TULP4: variants seen among roughly 807,000 people sequenced by gnomAD.
The protein encoded by TULP4 is tubby-related protein 4.
TULP4 carries 16 observed loss-of-function variants against 129.0 expected under a neutral mutation model. That is an observed-to-expected ratio of 0.12 (90% CI 0.08 to 0.19). The LOEUF (loss-of-function observed/expected upper bound fraction) is 0.19, where lower values mean the gene tolerates loss of function less well. Among genes scored for constraint, TULP4 ranks in the 10% least tolerant of loss-of-function variants. The pLI is 1.00. For synonymous variants in TULP4, 998 were observed against 854.0 expected, an observed-to-expected ratio of 1.17 and a Z score of -2.94; for missense variants, 1,842 against 2,059.1, an observed-to-expected ratio of 0.89 and a Z score of 2.04.
chr6:158,243,380 G>A (rs1055907781), intron 1 of TULP4, among the ~76,000 whole-genome samples: 1 of 151,746 alleles, frequency 6.6e-6, no homozygotes, highest in Non-Finnish European at 1.5e-5. Context: ...CTCCTTGACT[G>A]CAGTATATAT....
At chr6:158,269,871 G>C (rs6940600) in intron 1 of TULP4, among the ~76,000 whole-genome samples, 2 of 152,056 alleles carry the variant, frequency 1.3e-5, no homozygotes, top group African/African-American at 4.8e-5. Flanking sequence ...CCCGGTGCCC[G>C]GCAGTCTTGC....
chr6:158,457,220 G>A (rs543566752), intron 5 of TULP4, among the ~76,000 whole-genome samples: 1 of 152,146 alleles, frequency 6.6e-6, no homozygotes, highest in South Asian at 2.1e-4. Flanking sequence ...CATCACTAAA[G>A]AACTTTGGCA....
chr6:158,450,784 C>T (rs903729259), intron 4 of TULP4, among the ~76,000 whole-genome samples: 8 of 151,604 alleles, frequency 5.3e-5, no homozygotes, highest in South Asian at 2.1e-4. Context: ...GGACTGGGCA[C>T]GGTGGCTCAG....
At chr6:158,411,419 G>A (rs1254632773) in intron 1 of TULP4, among the ~76,000 whole-genome samples, 3 of 152,100 alleles carry the variant, frequency 2.0e-5, no homozygotes, top group Non-Finnish European at 2.9e-5. Flanking sequence ...AGAGGATTCC[G>A]CTAGATGGGG....
chr6:158,308,910 C>T (rs1158270900), upstream of TULP4, among the ~76,000 whole-genome samples: 73 of 140,548 alleles, frequency 5.2e-4, no homozygotes, highest in African/African-American at 1.2e-3. Flanking sequence ...CCCTCCCGGA[C>T]GGGGCGGCTG....
intron 1 of TULP4, among the ~76,000 whole-genome samples, chr6:158,284,720 C>T (rs958214215): frequency 2.0e-5 from 3 of 152,194 alleles, no homozygotes; most frequent in Non-Finnish European, 2.9e-5. Context: ...CACTTCAGGG[C>T]TCTCAGTCAA....
upstream of TULP4, among the ~76,000 whole-genome samples, chr6:158,309,577 C>A (rs913900645): frequency 6.6e-6 from 1 of 152,062 alleles, no homozygotes; most frequent in African/African-American, 2.4e-5. Context: ...CGAGATCATG[C>A]CACTGCACTC....
intron 3 of TULP4, among the ~76,000 whole-genome samples, chr6:158,430,619 G>T (rs925919876): frequency 6.6e-6 from 1 of 152,094 alleles, no homozygotes; most frequent in Non-Finnish European, 1.5e-5. Flanking sequence ...ATGATGGCGG[G>T]CGCCTGTAAT....
chr6:158,279,783 C>T (rs1778716840), upstream of TULP4, among the ~76,000 whole-genome samples: 3 of 152,180 alleles, frequency 2.0e-5, no homozygotes, highest in South Asian at 6.2e-4. Flanking sequence ...TACAGCAGAC[C>T]TATTCATTCT....
At chr6:158,438,526 C>T (rs1778804814) in intron 3 of TULP4, among the ~76,000 whole-genome samples, 1 of 152,168 alleles carries the variant, frequency 6.6e-6, no homozygotes, top group Non-Finnish European at 1.5e-5. Context: ...AACTTTAAAA[C>T]AGTAGTATAA....
chr6:158,411,840 G>T (rs1433085147), intron 1 of TULP4, among the ~76,000 whole-genome samples: 2 of 152,184 alleles, frequency 1.3e-5, no homozygotes, highest in East Asian at 3.8e-4. Context: ...TGGACAGAGG[G>T]TGTGAGGAGG....
At chr6:158,271,949 T>C (rs545427689) in intron 1 of TULP4, among the ~76,000 whole-genome samples, 9 of 152,262 alleles carry the variant, frequency 5.9e-5, no homozygotes, top group African/African-American at 2.2e-4. Context: ...CTGGGACACA[T>C]GTGCAGTGGA....
chr6:158,297,858 A>G (rs1035953149), intron 1 of TULP4, among the ~76,000 whole-genome samples: 1 of 152,074 alleles, frequency 6.6e-6, no homozygotes, highest in Non-Finnish European at 1.5e-5. Flanking sequence ...TCTGACCACA[A>G]ATTTACCAGG....
intron 1 of TULP4, among the ~76,000 whole-genome samples, chr6:158,263,590 CA>C (rs1285731302): frequency 4.6e-5 from 7 of 152,000 alleles, no homozygotes; most frequent in Non-Finnish European, 1.0e-4. Context: ...ATGAAGCTAT[CA>C]AAAAGAAAAA....
At chr6:158,286,758 G>A (rs1778842168) in intron 1 of TULP4, among the ~76,000 whole-genome samples, 1 of 152,190 alleles carries the variant, frequency 6.6e-6, no homozygotes, top group Admixed American at 6.5e-5. Flanking sequence ...ATCCAAGACT[G>A]CAGTGTTTTA....
intron 1 of TULP4, among the ~76,000 whole-genome samples, chr6:158,296,763 G>C (rs761748272): frequency 1.3e-5 from 2 of 152,176 alleles, no homozygotes; most frequent in Non-Finnish European, 2.9e-5. Context: ...GTAGGTCCAT[G>C]ATGCCCCCTG....
At chr6:158,326,096 A>G (rs1779740591) in intron 1 of TULP4, among the ~76,000 whole-genome samples, 1 of 152,140 alleles carries the variant, frequency 6.6e-6, no homozygotes, top group African/African-American at 2.4e-5. Context: ...TATCACAAAT[A>G]TTGGTTATTA....
At chr6:158,390,378 AAG>A (rs1263366337) in intron 1 of TULP4, among the ~76,000 whole-genome samples, 1 of 152,092 alleles carries the variant, frequency 6.6e-6, no homozygotes, top group Non-Finnish European at 1.5e-5. Context: ...AAAAAAAAAA[AAG>A]AAAAAGAGTG....
At chr6:158,262,279 C>T (rs939549471) in intron 1 of TULP4, among the ~76,000 whole-genome samples, 1 of 152,208 alleles carries the variant, frequency 6.6e-6, no homozygotes, top group Non-Finnish European at 1.5e-5. Flanking sequence ...TGTAGGTTGG[C>T]GCAGCTTTGA....
Sources: allele counts gnomAD v4.1 joint callset (sites outside exome capture counted in the v4.1 genomes callset), GRCh38; gene constraint gnomAD v4.1.1; transcripts MANE v1.5; gene names NCBI Gene and HGNC (gene_info 2026-07-23, HGNC 2026-07-21).